Variants in ANKRD6 observed in about 807,000 individuals in gnomAD.
ANKRD6 encodes the protein ankyrin repeat domain 6, also known as ankyrin repeat domain-containing protein 6.
ANKRD6 carries 56 observed loss-of-function variants against 82.3 expected under a neutral mutation model. That is an observed-to-expected ratio of 0.68 (90% CI 0.55 to 0.85). The LOEUF (loss-of-function observed/expected upper bound fraction) is 0.85. Ranked by LOEUF, ANKRD6 falls within the 40% of genes least tolerant of loss-of-function variation. ANKRD6 has a pLI of 0.00. For synonymous variants in ANKRD6, 347 were observed against 352.1 expected (o/e 0.99, Z 0.16); for missense variants, 852 against 907.6 (o/e 0.94, Z 0.79).
chr6:89,455,083 A>G (rs1773340155), intron 1 of ANKRD6, among the ~76,000 whole-genome samples: 1 of 150,688 alleles, frequency 6.6e-6, no homozygotes, highest in African/African-American at 2.4e-5. Flanking sequence ...ATCTCAAGTG[A>G]TCTGCCCACC....
chr6:89,438,047 GGCAAAAATGGTAACCT>G (rs1294378532), intron 1 of ANKRD6, among the ~76,000 whole-genome samples: 1 of 152,114 alleles, frequency 6.6e-6, no homozygotes, highest in African/African-American at 2.4e-5. Flanking sequence ...GTAGGTAAGT[GGCAAAAATGGTAACCT>G]GCAAGCTCTT....
At position 89,534,031 on chromosome 6, in the gene ANKRD6, C is replaced by CT. The variant is rs375643547; in HGVS notation, c.-143-32802dup. ...AGAATATTGGGATATTGTTTTCTAA[C>CT]TGCCTATTGCATTGTGTTAAATTAC... On this transcript the variant is annotated intron_variant, in intron 1 of 15. Transcript: ENST00000339746. 3.7e-3 allele frequency among the ~76,000 whole-genome samples: 558 copies of CT among 152,284 alleles called. 4 individuals carry two copies. Among genetic ancestry groups the CT allele is most frequent in the Admixed American group, 5.9e-3 (90 of 15,292 alleles).
At position 89,629,220 on chromosome 6, in the gene ANKRD6, A is replaced by G. The variant is rs1453589782; in HGVS notation, c.1594A>G (p.Thr532Ala). 6.2e-7 allele frequency: 1 copy of G among 1,613,612 alleles called. No individual in the cohort carries two copies. The highest frequency in any genetic ancestry group is 8.5e-7 in the Non-Finnish European group (1 of 1,179,846). ...CTGCAGAGCTAAATCCACACCATCT[A>G]CTTGTGAGTCCTCTACAGGTAACCC... is the stretch of plus-strand genomic sequence containing the variant. ...RACRAKSTPS[T>A]CESSTGVDQL... Residue 532 changes from threonine to alanine, a missense_variant, in exon 15 of 16, where the codon ACT (threonine) becomes GCT (alanine). Physicochemically the swap from Thr to Ala is moderately conservative, Grantham distance 58. Coordinates refer to ENST00000339746, the MANE Select transcript of ANKRD6 (RefSeq NM_001242809.2).
chr6:89,488,659 T>G (rs978845316), intron 1 of ANKRD6, among the ~76,000 whole-genome samples: 1 of 152,198 alleles, frequency 6.6e-6, no homozygotes, highest in Non-Finnish European at 1.5e-5. Flanking sequence ...CCAAGGTACT[T>G]TGGATAATTA....
intron 14 of ANKRD6, chr6:89,628,839 C>G: frequency 2.3e-6 from 1 of 432,038 alleles, no homozygotes; most frequent in Non-Finnish European, 4.3e-6. Flanking sequence ...AGGATGGTAC[C>G]AAGCCAGTCA....
chr6:89,462,233 AAATAAT>A (rs200608840), intron 1 of ANKRD6, among the ~76,000 whole-genome samples: 87 of 106,036 alleles, frequency 8.2e-4, no homozygotes, highest in Non-Finnish European at 1.1e-3. Context: ...CTCCATCTCA[AAATAAT>A]AATAATAATA....
At chr6:89,578,029 AAAGAGCTT>A in intron 2 of ANKRD6, among the ~76,000 whole-genome samples, 1 of 152,332 alleles carries the variant, frequency 6.6e-6, no homozygotes, top group South Asian at 2.1e-4. Flanking sequence ...CCAGGGCCTC[AAAGAGCTT>A]GTTCATAGAG....
Position 89,630,911 on chromosome 6 carries a change from A to G in ANKRD6, c.2091A>G (p.Lys697=). The change falls in exon 16 of 16, where the codon AAA becomes AAG. Residue 697 remains lysine (K), a synonymous_variant. Transcript: ENST00000339746. ...IEEARSQANQ[K]AQQDKATLKE... ...AAGCACGAAGCCAAGCCAATCAGAAAGCCCAGCAAGATAAGGCTACATTGA... is the reference window on the plus strand; with the variant it reads ...AAGCACGAAGCCAAGCCAATCAGAAGGCCCAGCAAGATAAGGCTACATTGA... 4.3e-6 allele frequency: 7 copies of G among 1,612,500 alleles called. No homozygotes were observed. The highest frequency in any genetic ancestry group is 5.9e-6 in the Non-Finnish European group (7 of 1,179,234).
intron 1 of ANKRD6, among the ~76,000 whole-genome samples, chr6:89,511,979 C>T (rs1780602362): frequency 6.6e-6 from 1 of 151,936 alleles, no homozygotes; most frequent in African/African-American, 2.4e-5. Context: ...AGGTCTCACT[C>T]TGTTGCCCAG....
At chr6:89,447,780 C>T (rs1356856849) in intron 1 of ANKRD6, among the ~76,000 whole-genome samples, 1 of 151,818 alleles carries the variant, frequency 6.6e-6, no homozygotes, top group Non-Finnish European at 1.5e-5. Context: ...CCTCTGCCTC[C>T]TGGTTCAAGC....
At chr6:89,474,017 G>A (rs1340023120) in intron 1 of ANKRD6, among the ~76,000 whole-genome samples, 1 of 152,038 alleles carries the variant, frequency 6.6e-6, no homozygotes, top group Non-Finnish European at 1.5e-5. Context: ...ATTTGTAATG[G>A]CATAGATGAA....
chr6:89,587,885 T>C (rs1014707340), intron 2 of ANKRD6, among the ~76,000 whole-genome samples: 5 of 152,256 alleles, frequency 3.3e-5, no homozygotes, highest in African/African-American at 1.2e-4. Flanking sequence ...CTTCTTAAAT[T>C]ATAAATTGTT....
chr6:89,522,151 G>A (rs1781967311), intron 1 of ANKRD6, among the ~76,000 whole-genome samples: 1 of 152,122 alleles, frequency 6.6e-6, no homozygotes, highest in Non-Finnish European at 1.5e-5. Context: ...CTTATCAGGG[G>A]GGAATTCTCT....
intron 1 of ANKRD6, among the ~76,000 whole-genome samples, chr6:89,563,628 A>T (rs1470942282): frequency 1.3e-5 from 2 of 152,174 alleles, no homozygotes; most frequent in Non-Finnish European, 2.9e-5. Context: ...AGTGAAGTTT[A>T]ACTCTTTGAT....
At chr6:89,453,684 A>C (rs932329878) in intron 1 of ANKRD6, among the ~76,000 whole-genome samples, 1 of 152,040 alleles carries the variant, frequency 6.6e-6, no homozygotes, top group South Asian at 2.1e-4. Flanking sequence ...GGTTCAAGCT[A>C]TTCTCCTGCC....
At chr6:89,578,184 T>C (rs892750948) in intron 2 of ANKRD6, among the ~76,000 whole-genome samples, 1 of 152,092 alleles carries the variant, frequency 6.6e-6, no homozygotes, top group African/African-American at 2.4e-5. Flanking sequence ...CACAAATGTA[T>C]GCTTTCATTT....
intron 1 of ANKRD6, among the ~76,000 whole-genome samples, chr6:89,503,030 C>T (rs1779435274): frequency 6.6e-6 from 1 of 152,198 alleles, no homozygotes; most frequent in African/African-American, 2.4e-5. Flanking sequence ...CTCTTTCATC[C>T]TGCAGGCAGC....
chr6:89,498,861 G>A (rs984319511), intron 1 of ANKRD6, among the ~76,000 whole-genome samples: 1 of 152,210 alleles, frequency 6.6e-6, no homozygotes, highest in Non-Finnish European at 1.5e-5. Flanking sequence ...TATGAGATAT[G>A]TGCCAGCTTC....
At chr6:89,617,453 G>A (rs182206312) in intron 8 of ANKRD6, among the ~76,000 whole-genome samples, 3 of 152,254 alleles carry the variant, frequency 2.0e-5, no homozygotes, top group East Asian at 3.9e-4. Context: ...GCCATAACTC[G>A]TAGTTGCTTT....
Sources: allele counts gnomAD v4.1 joint callset (sites outside exome capture counted in the v4.1 genomes callset), GRCh38; gene constraint gnomAD v4.1.1; transcripts MANE v1.5; gene names NCBI Gene and HGNC (gene_info 2026-07-23, HGNC 2026-07-21).